Variants in GNG7 observed in about 807,000 individuals in gnomAD.
GNG7 encodes the protein G protein subunit gamma 7, also known as guanine nucleotide-binding protein G(I)/G(S)/G(O) subunit gamma-7.
A neutral mutation model predicts 4.0 loss-of-function variants in GNG7; 1 was observed. That is an observed-to-expected ratio of 0.25 (90% CI 0.09 to 1.18). The LOEUF is 1.18. Among genes scored for constraint, GNG7 ranks in the 50% most tolerant of loss-of-function variants. The pLI, the probability that GNG7 is intolerant of heterozygous loss-of-function variation, is 0.50. For missense variants in GNG7, 86 were observed against 91.9 expected (o/e 0.94, Z 0.26); for synonymous variants, 34 against 36.9 (o/e 0.92, Z 0.29).
chr19:2,588,105 G>T (rs962714198), intron 2 of GNG7, among the ~76,000 whole-genome samples: 1 of 152,142 alleles, frequency 6.6e-6, no homozygotes, highest in Non-Finnish European at 1.5e-5. Flanking sequence ...ATTTGCAAAC[G>T]GCCTGTTGTG....
At chr19:2,640,301 G>A (rs951150254) in intron 2 of GNG7, among the ~76,000 whole-genome samples, 5 of 152,056 alleles carry the variant, frequency 3.3e-5, no homozygotes, top group Non-Finnish European at 7.4e-5. Flanking sequence ...AAGAAAAAGA[G>A]AGACATTCCA....
At chr19:2,672,163 G>C (rs963467524) in intron 1 of GNG7, among the ~76,000 whole-genome samples, 4 of 149,946 alleles carry the variant, frequency 2.7e-5, no homozygotes, top group Non-Finnish European at 1.5e-5. Flanking sequence ...TCAGCCTCCC[G>C]AGTAGCTGGG....
chr19:2,696,332 AAGAAAGAAAG>A (rs1289711060), intron 1 of GNG7, among the ~76,000 whole-genome samples: 10 of 147,222 alleles, frequency 6.8e-5, no homozygotes, highest in African/African-American at 2.6e-4. Context: ...GAAAGAAAGA[AAGAAAGAAAG>A]AAAGAAAAGA....
intron 3 of GNG7, among the ~76,000 whole-genome samples, chr19:2,551,965 G>A (rs931071412): frequency 1.1e-4 from 17 of 152,238 alleles, no homozygotes; most frequent in Middle Eastern, 3.4e-3. Context: ...GATTACAGGC[G>A]TGAGCCACGG....
At chr19:2,656,288 T>C (rs1982971609) in intron 1 of GNG7, among the ~76,000 whole-genome samples, 1 of 152,140 alleles carries the variant, frequency 6.6e-6, no homozygotes, top group Admixed American at 6.5e-5. Context: ...AACCTACATG[T>C]CCATCGTTGG....
intron 2 of GNG7, among the ~76,000 whole-genome samples, chr19:2,556,680 C>T (rs1485270518): frequency 6.6e-6 from 1 of 152,166 alleles, no homozygotes; most frequent in East Asian, 1.9e-4. Context: ...GAGGCCGAGT[C>T]CCGGCTTTCC....
At chr19:2,699,511 G>A (rs755835346) in intron 1 of GNG7, among the ~76,000 whole-genome samples, 15 of 152,140 alleles carry the variant, frequency 9.9e-5, no homozygotes, top group Non-Finnish European at 1.9e-4. Flanking sequence ...CTCTCCGAAT[G>A]ACAGCACTAA....
intron 2 of GNG7, chr19:2,630,845 G>C (rs1982141466): frequency 6.6e-6 from 1 of 151,904 alleles, no homozygotes; most frequent in Non-Finnish European, 1.5e-5. Context: ...CTGCATTCAT[G>C]GTAGTTGTTA....
At chr19:2,678,089 G>C (rs899396053) in intron 1 of GNG7, among the ~76,000 whole-genome samples, 1 of 152,186 alleles carries the variant, frequency 6.6e-6, no homozygotes, top group African/African-American at 2.4e-5. Context: ...ATGTTAGTTA[G>C]GGTTCAGCAG....
At chr19:2,542,997 C>T (rs932369777) in intron 3 of GNG7, among the ~76,000 whole-genome samples, 19 of 148,676 alleles carry the variant, frequency 1.3e-4, no homozygotes, top group Non-Finnish European at 2.7e-4. Context: ...CCTGCAACCT[C>T]CGCCTCCCAG....
intron 2 of GNG7, among the ~76,000 whole-genome samples, chr19:2,582,964 C>T (rs912554991): frequency 2.0e-5 from 3 of 152,050 alleles, no homozygotes; most frequent in Admixed American, 2.0e-4. Flanking sequence ...CCACTGTGCC[C>T]AGCCAAATTG....
intron 2 of GNG7, among the ~76,000 whole-genome samples, chr19:2,567,059 C>G (rs12976675): frequency 6.6e-6 from 1 of 150,464 alleles, no homozygotes; most frequent in Non-Finnish European, 1.5e-5. Flanking sequence ...GAGCCGAGAT[C>G]GCGCCACTGC....
intron 3 of GNG7, among the ~76,000 whole-genome samples, chr19:2,534,103 A>C (rs1425832771): frequency 6.6e-6 from 1 of 152,158 alleles, no homozygotes; most frequent in Non-Finnish European, 1.5e-5. Flanking sequence ...GCAATTCTAC[A>C]CACACACAAA....
At chr19:2,675,198 A>T (rs111365441) in intron 1 of GNG7, among the ~76,000 whole-genome samples, 3,539 of 152,298 alleles carry the variant, frequency 0.023, 78 homozygotes, top group Admixed American at 0.057. Context: ...GTTCTCGGAG[A>T]CGGATGCACG....
At chr19:2,678,113 G>C (rs1233627047) in intron 1 of GNG7, among the ~76,000 whole-genome samples, 3 of 152,182 alleles carry the variant, frequency 2.0e-5, no homozygotes, top group African/African-American at 7.2e-5. Context: ...TAGGAAAACA[G>C]AACACCAGGC....
chr19:2,568,554 TAC>T (rs1469057748), intron 2 of GNG7, among the ~76,000 whole-genome samples: 4 of 148,554 alleles, frequency 2.7e-5, no homozygotes, highest in Admixed American at 6.7e-5. Context: ...CACATATATA[TAC>T]ACACATATAC....
intron 1 of GNG7, among the ~76,000 whole-genome samples, chr19:2,661,265 G>GAGA (rs1983143050): frequency 1.8e-5 from 1 of 56,690 alleles, no homozygotes; most frequent in Admixed American, 2.1e-4. Flanking sequence ...AAGAAAGAAA[G>GAGA]AAAGAAAAGA....
At chr19:2,681,029 C>T (rs1006908818) in intron 1 of GNG7, among the ~76,000 whole-genome samples, 1 of 152,032 alleles carries the variant, frequency 6.6e-6, no homozygotes, top group African/African-American at 2.4e-5. Context: ...TTTGCATTTC[C>T]CTGAGGACTG....
At chr19:2,694,905 C>A (rs1393299440) in intron 1 of GNG7, among the ~76,000 whole-genome samples, 1 of 152,048 alleles carries the variant, frequency 6.6e-6, no homozygotes, top group African/African-American at 2.4e-5. Context: ...CCCAGGACAG[C>A]CCTGCCCCAG....
Sources: allele counts gnomAD v4.1 joint callset (sites outside exome capture counted in the v4.1 genomes callset), GRCh38; gene constraint gnomAD v4.1.1; transcripts MANE v1.5; gene names NCBI Gene and HGNC (gene_info 2026-07-23, HGNC 2026-07-21).